Variants in ZBTB7C observed in about 807,000 individuals in gnomAD.
ZBTB7C encodes zinc finger and BTB domain-containing protein 7C.
A neutral mutation model predicts 25.7 loss-of-function variants in ZBTB7C; 8 were observed. That is an observed-to-expected ratio of 0.31 (90% CI 0.18 to 0.56). ZBTB7C has a LOEUF of 0.56. ZBTB7C is among the 20% of genes least tolerant of loss of function. ZBTB7C has a pLI of 0.91. For missense variants in ZBTB7C, 824 were observed against 855.2 expected, an observed-to-expected ratio of 0.96 and a Z score of 0.46; for synonymous variants, 394 against 369.0, an observed-to-expected ratio of 1.07 and a Z score of -0.78.
intron 2 of ZBTB7C, among the ~76,000 whole-genome samples, chr18:48,211,472 G>T (rs1223497920): frequency 6.6e-6 from 1 of 152,104 alleles, no homozygotes; most frequent in Non-Finnish European, 1.5e-5. Flanking sequence ...AATACACAAA[G>T]AACTCTTAAA....
At chr18:48,030,437 C>G (rs546209006) in intron 4 of ZBTB7C, among the ~76,000 whole-genome samples, 1 of 152,326 alleles carries the variant, frequency 6.6e-6, no homozygotes, top group Admixed American at 6.5e-5. Flanking sequence ...ATCTGGGAGG[C>G]TATAGAAGCT....
chr18:48,174,803 A>C (rs967727673), intron 3 of ZBTB7C, among the ~76,000 whole-genome samples: 2 of 152,244 alleles, frequency 1.3e-5, no homozygotes, highest in African/African-American at 4.8e-5. Flanking sequence ...ATCTGTATTT[A>C]CCTACCTACC....
At chr18:48,054,820 C>G (rs1008151745) in intron 3 of ZBTB7C, among the ~76,000 whole-genome samples, 1 of 152,324 alleles carries the variant, frequency 6.6e-6, no homozygotes, top group Admixed American at 6.5e-5. Flanking sequence ...AGCCCAGTCT[C>G]TCCTCTGCTA....
At position 48,144,289 on chromosome 18, in the gene ZBTB7C, AT is replaced by A. The variant is rs78973683; in HGVS notation, c.-17+41644del. Among the ~76,000 whole-genome samples the A allele has an allele frequency of 1.0e-3, 156 of 151,324 alleles. No individual in the cohort carries two copies. The South Asian group carries it at 0.01, about 10-fold the overall frequency. Reference sequence around the variant, plus strand: ...GCAAGACACCTTCTCAAAAAAAAAAATTTTTTTTTTCTTAGTTTTCTTTACC... The same window carrying A: ...GCAAGACACCTTCTCAAAAAAAAAAATTTTTTTTTCTTAGTTTTCTTTACC... On this transcript the variant is annotated intron_variant, in intron 3 of 4. Transcript: ENST00000590800.
chr18:48,220,101 T>A (rs1193476693), intron 2 of ZBTB7C, among the ~76,000 whole-genome samples: 2 of 152,192 alleles, frequency 1.3e-5, no homozygotes, highest in African/African-American at 4.8e-5. Context: ...GAACTCAACA[T>A]CTGCTCTGGG....
chr18:48,156,653 CTGCCCA>C (rs2040848462), intron 3 of ZBTB7C, among the ~76,000 whole-genome samples: 1 of 152,298 alleles, frequency 6.6e-6, no homozygotes, highest in East Asian at 1.9e-4. Flanking sequence ...ACATCAAACA[CTGCCCA>C]AACAATAGGA....
intron 3 of ZBTB7C, among the ~76,000 whole-genome samples, chr18:48,117,554 T>G (rs1448338694): frequency 6.6e-6 from 1 of 152,178 alleles, no homozygotes; most frequent in Non-Finnish European, 1.5e-5. Context: ...TTTTCATCTA[T>G]AGAATGGGAA....
intron 2 of ZBTB7C, among the ~76,000 whole-genome samples, chr18:48,237,275 G>A (rs58258861): frequency 0.021 from 3,150 of 152,180 alleles, 38 homozygotes; most frequent in African/African-American, 0.036. Context: ...GATGCAAAGA[G>A]CAAATAAGCA....
chr18:48,158,359 C>T (rs2040900780), intron 3 of ZBTB7C, among the ~76,000 whole-genome samples: 1 of 152,128 alleles, frequency 6.6e-6, no homozygotes, highest in Non-Finnish European at 1.5e-5. Context: ...CGGAATGATG[C>T]TTCCCAAAGC....
intron 2 of ZBTB7C, among the ~76,000 whole-genome samples, chr18:48,195,391 G>C (rs2042294573): frequency 1.3e-5 from 2 of 152,160 alleles, no homozygotes; most frequent in Admixed American, 1.3e-4. Flanking sequence ...TCTCGTGATA[G>C]TGAATACGTC....
At chr18:48,284,791 C>CAAA (rs61132755) in intron 2 of ZBTB7C, among the ~76,000 whole-genome samples, 4 of 93,062 alleles carry the variant, frequency 4.3e-5, no homozygotes, top group Admixed American at 3.5e-4. Context: ...ACTCGGTCTC[C>CAAA]AAAAAAAAAA....
chr18:48,224,376 A>G (rs1430132179), intron 2 of ZBTB7C, among the ~76,000 whole-genome samples: 5 of 152,240 alleles, frequency 3.3e-5, no homozygotes, highest in African/African-American at 1.2e-4. Context: ...GGGAGAAAAC[A>G]GCTGCCATGA....
chr18:48,040,746 T>G lies in ZBTB7C; in HGVS notation c.362A>C (p.Asn121Thr). 1 of 1,613,886 alleles carries G rather than the reference T, an allele frequency of 6.2e-7. No individual in the cohort carries two copies. The highest frequency in any genetic ancestry group is 8.5e-7 in the Non-Finnish European group (1 of 1,179,930). The change falls in exon 4 of 5, where the codon AAC becomes ACC. Residue 121 changes from asparagine to threonine, a missense_variant. By Grantham distance (65) the Asn-to-Thr change is moderately conservative. This residue lies in a region of ZBTB7C where 117 missense variants were observed against 167.7 expected (regional missense o/e 0.70). Transcript: ENST00000590800. ...ARMLEIQCIV[N>T]VCLEIMEPGG... is the part of the protein sequence containing the mutation. Reference sequence around the variant, plus strand: ...AGGCTCCATGATCTCCAGGCACACGTTCACGATGCACTGGATCTCCAGCAT... The same window carrying G: ...AGGCTCCATGATCTCCAGGCACACGGTCACGATGCACTGGATCTCCAGCAT...
chr18:48,315,395 C>T (rs2045925216), intron 2 of ZBTB7C, among the ~76,000 whole-genome samples: 1 of 152,142 alleles, frequency 6.6e-6, no homozygotes, highest in Admixed American at 6.5e-5. Context: ...TCTGGATTCT[C>T]AATGGAGTGA....
At chr18:48,187,820 C>CAAAAAAAA (rs919402026) in intron 2 of ZBTB7C, among the ~76,000 whole-genome samples, 4 of 73,348 alleles carry the variant, frequency 5.5e-5, no homozygotes, top group Non-Finnish European at 7.6e-5. Flanking sequence ...GACCCCGTCT[C>CAAAAAAAA]AAAAAAAAAA....
chr18:48,363,702 C>T (rs1400281928), intron 1 of ZBTB7C, among the ~76,000 whole-genome samples: 3 of 152,102 alleles, frequency 2.0e-5, no homozygotes, highest in South Asian at 2.1e-4. Context: ...AGGTTAGGGA[C>T]AGCGTGGCCA....
chr18:48,115,362 C>A (rs1367503225), intron 3 of ZBTB7C, among the ~76,000 whole-genome samples: 1 of 152,188 alleles, frequency 6.6e-6, no homozygotes. Context: ...CATTCTCCTG[C>A]CTCAGCCTCC....
At chr18:48,069,588 A>G (rs1450140728) in intron 3 of ZBTB7C, among the ~76,000 whole-genome samples, 1 of 152,158 alleles carries the variant, frequency 6.6e-6, no homozygotes, top group African/African-American at 2.4e-5. Flanking sequence ...GGCCCAAGAA[A>G]GCAAGTCGGG....
At chr18:48,141,782 C>T (rs2040357935) in intron 3 of ZBTB7C, among the ~76,000 whole-genome samples, 1 of 152,120 alleles carries the variant, frequency 6.6e-6, no homozygotes, top group African/African-American at 2.4e-5. Flanking sequence ...GGAACCAGCT[C>T]AAGGGAGGAG....
Sources: allele counts gnomAD v4.1 joint callset (sites outside exome capture counted in the v4.1 genomes callset), GRCh38; gene constraint gnomAD v4.1.1; regional missense constraint gnomAD v4.1.1; transcripts MANE v1.5; gene names NCBI Gene and HGNC (gene_info 2026-07-23, HGNC 2026-07-21).